EBF2: variants seen among roughly 807,000 people sequenced by gnomAD.
EBF2 encodes transcription factor COE2.
EBF2 carries 21 observed loss-of-function variants against 72.8 expected under a neutral mutation model. That is an observed-to-expected ratio of 0.29 (90% CI 0.20 to 0.42). EBF2 has a LOEUF of 0.42. Among genes scored for constraint, EBF2 ranks in the 10% least tolerant of loss-of-function variants. The pLI is 1.00. For missense variants in EBF2, 637 were observed against 731.2 expected (o/e 0.87, Z 1.49); for synonymous variants, 299 against 274.2 (o/e 1.09, Z -0.89).
chr8:25,937,721 C>T (rs1803602144), intron 6 of EBF2, among the ~76,000 whole-genome samples: 1 of 152,148 alleles, frequency 6.6e-6, no homozygotes, highest in Admixed American at 6.5e-5. Flanking sequence ...AACAGTTTGG[C>T]ATTCTGAGTG....
At chr8:25,972,361 C>T (rs1804203853) in intron 6 of EBF2, among the ~76,000 whole-genome samples, 1 of 152,122 alleles carries the variant, frequency 6.6e-6, no homozygotes, top group Admixed American at 6.5e-5. Flanking sequence ...CTTCCTTCAG[C>T]AAACAGCACC....
intron 10 of EBF2, among the ~76,000 whole-genome samples, chr8:25,881,689 A>T (rs4326391): frequency 0.55 from 84,005 of 151,986 alleles, 26,245 homozygotes; most frequent in African/African-American, 0.85. Context: ...ATTTTTGTTT[A>T]CCTGCCCAAA....
chr8:25,866,631 A>G (rs1305272054), intron 10 of EBF2, among the ~76,000 whole-genome samples: 1 of 106,040 alleles, frequency 9.4e-6, no homozygotes, highest in African/African-American at 4.2e-5. Context: ...ATATATATAT[A>G]TATATTTTTT....
Position 26,031,001 on chromosome 8 carries a change from T to C in EBF2, c.551+2084A>G, listed in dbSNP as rs994050841. Among the ~76,000 whole-genome samples the C allele has an allele frequency of 1.8e-3, 268 of 152,338 alleles. 4 individuals are homozygous for C. Among genetic ancestry groups the C allele is most frequent in the Non-Finnish European group, 2.1e-4 (14 of 68,034 alleles). On this transcript the variant is annotated intron_variant, in intron 6 of 15. Transcript: ENST00000520164. ...AACTTTATCGGTGAATGCAGTGAGATGTAGTTCTTTAAAGTAAGAGCTCCT... is the reference window on the plus strand; with the variant it reads ...AACTTTATCGGTGAATGCAGTGAGACGTAGTTCTTTAAAGTAAGAGCTCCT...
chr8:25,852,648 G>A (rs1209670421), intron 14 of EBF2, among the ~76,000 whole-genome samples: 1 of 152,180 alleles, frequency 6.6e-6, no homozygotes, highest in Admixed American at 6.5e-5. Flanking sequence ...AACACCTCAA[G>A]CTTTACTAAG....
At chr8:25,992,468 G>GT (rs1257680376) in intron 6 of EBF2, among the ~76,000 whole-genome samples, 3 of 152,092 alleles carry the variant, frequency 2.0e-5, no homozygotes, top group Admixed American at 2.0e-4. Flanking sequence ...GTGTCTCATG[G>GT]TTGTCATGCC....
chr8:26,019,141 C>T (rs1480089248), intron 6 of EBF2, among the ~76,000 whole-genome samples: 1 of 152,100 alleles, frequency 6.6e-6, no homozygotes, highest in Non-Finnish European at 1.5e-5. Context: ...ATCCAATGTG[C>T]AACAAGTTCA....
intron 10 of EBF2, among the ~76,000 whole-genome samples, chr8:25,877,369 A>T (rs1159829703): frequency 6.6e-6 from 1 of 152,184 alleles, no homozygotes; most frequent in Non-Finnish European, 1.5e-5. Context: ...CCAGGTCTCA[A>T]ACCAGTAAGA....
At chr8:25,971,767 T>G (rs1442888129) in intron 6 of EBF2, among the ~76,000 whole-genome samples, 1 of 152,144 alleles carries the variant, frequency 6.6e-6, no homozygotes, top group African/African-American at 2.4e-5. Flanking sequence ...TGCTGTATTA[T>G]TTATGGTTTT....
intron 6 of EBF2, among the ~76,000 whole-genome samples, chr8:26,005,830 C>A (rs1804871322): frequency 8.4e-6 from 1 of 118,570 alleles, no homozygotes; most frequent in African/African-American, 3.2e-5. Flanking sequence ...GACCAAGTCT[C>A]AAAAAAAAAA....
intron 6 of EBF2, among the ~76,000 whole-genome samples, chr8:26,003,965 G>T (rs1804785335): frequency 6.6e-6 from 1 of 152,112 alleles, no homozygotes; most frequent in African/African-American, 2.4e-5. Flanking sequence ...CTTTGTCTCT[G>T]GAACTCTCTC....
chr8:25,984,681 CAAAA>C (rs200616204), intron 6 of EBF2, among the ~76,000 whole-genome samples: 1 of 141,398 alleles, frequency 7.1e-6, no homozygotes, highest in Non-Finnish European at 1.6e-5. Context: ...GACTCCATCT[CAAAA>C]AAAAAAAAGA....
intron 6 of EBF2, among the ~76,000 whole-genome samples, chr8:25,950,111 C>A (rs1465274312): frequency 1.3e-5 from 2 of 152,288 alleles, no homozygotes; most frequent in East Asian, 3.9e-4. Context: ...TAAACCATGG[C>A]CACCTTAATC....
At position 25,842,397 on chromosome 8, in the gene EBF2, G is replaced by T. The variant is rs1801757904; in HGVS notation, c.*2212C>A. 6.6e-6 allele frequency: 1 copy of T among 152,126 alleles called. No homozygotes were observed. The highest frequency in any genetic ancestry group is 2.1e-4 in the South Asian group (1 of 4,806). 9.4% of individuals were successfully genotyped at this position (152,126 alleles called of 1,614,324 possible). On this transcript the variant is annotated 3_prime_UTR_variant, in exon 16 of 16. Transcript: ENST00000520164. ...CTACAATCATTTTGAAGACAGTACT[G>T]CACTCATCTTCATGCAAAAGGAAAA...
In EBF2 at chr8:25,847,785, G is replaced by A. The variant is rs533315404; in HGVS notation, c.1696+2809C>T. Among the ~76,000 whole-genome samples, 10 of 152,238 alleles carry A rather than the reference G, an allele frequency of 6.6e-5. 1 individual carries two copies. In the South Asian group the frequency reaches 1.9e-3, roughly 28 times the overall value. On this transcript the variant is annotated intron_variant, in intron 15 of 15. Transcript: ENST00000520164. ...ATACTCTTTAAGGATTTCTCCACAC[G>A]TCACTTGATATTTTCATAGATTTTT...
At chr8:25,925,601 G>C (rs1563402470) in intron 6 of EBF2, among the ~76,000 whole-genome samples, 1 of 152,202 alleles carries the variant, frequency 6.6e-6, no homozygotes, top group Non-Finnish European at 1.5e-5. Flanking sequence ...TTTGTGCAGT[G>C]TGTGCGTGCA....
intron 6 of EBF2, among the ~76,000 whole-genome samples, chr8:25,926,114 T>C (rs775828844): frequency 2.0e-5 from 3 of 152,138 alleles, no homozygotes; most frequent in Non-Finnish European, 4.4e-5. Flanking sequence ...TAGAGAACTA[T>C]GAGTCCTTCT....
At chr8:25,994,081 T>A (rs945311747) in intron 6 of EBF2, among the ~76,000 whole-genome samples, 1 of 151,942 alleles carries the variant, frequency 6.6e-6, no homozygotes, top group Non-Finnish European at 1.5e-5. Flanking sequence ...AAAGAAAAAT[T>A]AAAAGCTTAA....
chr8:25,916,194 G>A (rs1803211450), intron 6 of EBF2, among the ~76,000 whole-genome samples: 5 of 150,804 alleles, frequency 3.3e-5, no homozygotes, highest in East Asian at 2.0e-4. Flanking sequence ...GCTGAGACAC[G>A]AGAATCACTT....
Sources: gnomAD v4.1 joint callset for allele counts (sites outside exome capture counted in the v4.1 genomes callset) on GRCh38, gnomAD v4.1.1 for gene constraint, MANE v1.5 for transcripts, NCBI Gene and HGNC (gene_info 2026-07-23, HGNC 2026-07-21) for gene names.